Variants in SLCO3A1 observed in about 807,000 individuals in gnomAD.
The protein encoded by SLCO3A1 is solute carrier organic anion transporter family member 3A1.
In SLCO3A1, 27 loss-of-function variants were observed where a neutral mutation model predicts 63.1. The ratio of observed to expected loss-of-function variants is 0.43; its 90% CI spans 0.32 to 0.59. SLCO3A1 has a LOEUF of 0.59. SLCO3A1 is among the 20% of genes least tolerant of loss of function. SLCO3A1 has a pLI of 0.09. For synonymous variants in SLCO3A1, 473 were observed against 409.9 expected, an observed-to-expected ratio of 1.15 and a Z score of -1.86; for missense variants, 773 against 945.8, an observed-to-expected ratio of 0.82 and a Z score of 2.40.
In SLCO3A1 at chr15:91,948,964, T is replaced by C. The variant is rs1306345401; in HGVS notation, c.646+32506T>C. On this transcript the variant is annotated intron_variant, in intron 2 of 9. Transcript: ENST00000318445. This position sits in a 1 kb window ranked among gnomAD's most constrained non-coding sequence, Gnocchi z 4.8. ...TACTATTATTTCTGCTTACCTCACC[T>C]TTTGGGGGAATCATTCCCTCCATTT... is the stretch of plus-strand genomic sequence containing the variant. Among the ~76,000 whole-genome samples, 1 of 152,120 alleles carries C rather than the reference T, an allele frequency of 6.6e-6. No homozygotes were observed. The highest frequency in any genetic ancestry group is 2.4e-5 in the African/African-American group (1 of 41,428).
intron 2 of SLCO3A1, among the ~76,000 whole-genome samples, chr15:92,027,809 C>T (rs2046594776): frequency 1.3e-5 from 2 of 152,230 alleles, no homozygotes; most frequent in African/African-American, 4.8e-5. Context: ...AATAATCTGT[C>T]ACACCCGTGG....
chr15:91,941,488 C>G lies in SLCO3A1; in HGVS notation c.646+25030C>G. ...GGGAAGGACAAACTTCAACTCTGAG[C>G]CTTGATTGAGTGACCTTGGCCAAGT... On this transcript the variant is annotated intron_variant, in intron 2 of 9. Transcript: ENST00000318445. This position sits in a 1 kb window ranked among gnomAD's most constrained non-coding sequence, Gnocchi z 4.4. 2.2e-6 allele frequency: 1 copy of G among 454,474 alleles called. No individual in the cohort carries two copies. Among genetic ancestry groups the G allele is most frequent in the Non-Finnish European group, 4.4e-6 (1 of 226,312 alleles). The allele number at this position is 454,474 out of a possible 1,614,324, so 28.2% of individuals were successfully genotyped here.
At chr15:92,099,098 A>T (rs2047573402) in intron 3 of SLCO3A1, among the ~76,000 whole-genome samples, 1 of 152,246 alleles carries the variant, frequency 6.6e-6, no homozygotes, top group African/African-American at 2.4e-5. Flanking sequence ...CCTCACCAGC[A>T]CATCCATGCA....
chr15:91,871,957 G>A (rs1259688454), intron 1 of SLCO3A1, among the ~76,000 whole-genome samples: 1 of 151,876 alleles, frequency 6.6e-6, no homozygotes, highest in East Asian at 1.9e-4. Flanking sequence ...TGTATGGTAG[G>A]TTGCTTATGG....
At chr15:92,082,964 A>C (rs1031592132) in intron 2 of SLCO3A1, among the ~76,000 whole-genome samples, 4 of 152,228 alleles carry the variant, frequency 2.6e-5, no homozygotes, top group African/African-American at 9.7e-5. Context: ...AGAGTCTCAT[A>C]AACTCACCTT....
At chr15:91,934,845 GTT>G (rs752206158) in intron 2 of SLCO3A1, among the ~76,000 whole-genome samples, 14 of 152,186 alleles carry the variant, frequency 9.2e-5, no homozygotes, top group Non-Finnish European at 2.1e-4. Context: ...AATTCCGTAA[GTT>G]ACTGCCCTTC....
chr15:92,151,945 A>G (rs1222787523), intron 9 of SLCO3A1, among the ~76,000 whole-genome samples: 16 of 152,250 alleles, frequency 1.1e-4, no homozygotes, highest in Admixed American at 1.0e-3. Flanking sequence ...ACAGCAGACA[A>G]TTAGTTAAAT....
intron 1 of SLCO3A1, among the ~76,000 whole-genome samples, chr15:91,892,897 T>C (rs1369813312): frequency 6.6e-6 from 1 of 152,224 alleles, no homozygotes; most frequent in Non-Finnish European, 1.5e-5. Flanking sequence ...TGAATTAATA[T>C]CTGTTAAGCT....
intron 1 of SLCO3A1, among the ~76,000 whole-genome samples, chr15:91,902,965 G>A (rs762049746): frequency 6.6e-5 from 10 of 152,238 alleles, no homozygotes; most frequent in Non-Finnish European, 1.3e-4. Context: ...TTGTAAGAAT[G>A]AAATGGATTC....
intron 2 of SLCO3A1, among the ~76,000 whole-genome samples, chr15:91,969,224 G>A (rs553899574): frequency 1.3e-5 from 2 of 152,288 alleles, no homozygotes; most frequent in East Asian, 1.9e-4. Context: ...TAGAAGTGGT[G>A]TAGAATATCT....
chr15:92,017,698 C>T (rs558805785), intron 2 of SLCO3A1, among the ~76,000 whole-genome samples: 63 of 152,096 alleles, frequency 4.1e-4, no homozygotes, highest in African/African-American at 1.5e-3. Context: ...TGGAATGATT[C>T]TTGTGGAGGA....
intron 1 of SLCO3A1, among the ~76,000 whole-genome samples, chr15:91,880,409 C>CTGTGTGTGTGTGTGTGTGTGTG (rs58932263): frequency 8.4e-5 from 12 of 142,356 alleles, no homozygotes; most frequent in South Asian, 2.4e-4. Flanking sequence ...CTCTCTCTCT[C>CTGTGTGTGTGTGTGTGTGTGTG]TGTGTGTGTG....
At chr15:92,055,022 G>A (rs1178212559) in intron 2 of SLCO3A1, among the ~76,000 whole-genome samples, 6 of 152,144 alleles carry the variant, frequency 3.9e-5, no homozygotes, top group Admixed American at 1.3e-4. Context: ...TTGAGGAATC[G>A]CCACACTGTC....
At chr15:92,101,168 G>A (rs1399413514) in intron 3 of SLCO3A1, among the ~76,000 whole-genome samples, 1 of 152,184 alleles carries the variant, frequency 6.6e-6, no homozygotes, top group Non-Finnish European at 1.5e-5. Flanking sequence ...ATTACCAACA[G>A]GTGGAGGGAG....
chr15:92,094,073 G>T (rs2047509986), intron 2 of SLCO3A1, among the ~76,000 whole-genome samples: 1 of 152,166 alleles, frequency 6.6e-6, no homozygotes, highest in Admixed American at 6.5e-5. Flanking sequence ...CTACCAAATT[G>T]AAATTTAAAT....
At position 91,880,391 on chromosome 15, in the gene SLCO3A1, C is replaced by CTGTGTGTGTGTGTGTGTGTGTG. The variant is rs1248316415; in HGVS notation, c.180+26304_180+26305insGTGTGTGTGTGTGTGTGTGTGT. Among the ~76,000 whole-genome samples, 65 of 74,484 alleles carry CTGTGTGTGTGTGTGTGTGTGTG rather than the reference C, an allele frequency of 8.7e-4. No individual in the cohort carries two copies. The East Asian group carries it at 9.2e-3, about 10-fold the overall frequency. The allele number at this position is 74,484 out of a possible 152,430, so 48.9% of individuals were successfully genotyped here. ...TACCGGCACTCGTGCTTCTCTCTCTCTCTCTCTCTCTCTCTCTCTGTGTGT... is the reference window on the plus strand; with the variant it reads ...TACCGGCACTCGTGCTTCTCTCTCTCTGTGTGTGTGTGTGTGTGTGTGTCTCTCTCTCTCTCTCTCTGTGTGT... On this transcript the variant is annotated intron_variant, in intron 1 of 9. Coordinates refer to ENST00000318445, the MANE Select transcript of SLCO3A1 (RefSeq NM_013272.4).
At chr15:91,984,124 A>G (rs1206040832) in intron 2 of SLCO3A1, among the ~76,000 whole-genome samples, 2 of 151,996 alleles carry the variant, frequency 1.3e-5, no homozygotes. Flanking sequence ...CACTGAGGAG[A>G]GGGGTTTGTG....
Position 92,145,027 on chromosome 15 carries a change from G to A in SLCO3A1, c.1513-1957G>A, listed in dbSNP as rs553624483. On this transcript the variant is annotated intron_variant, in intron 7 of 9. Coordinates refer to ENST00000318445, the MANE Select transcript of SLCO3A1 (RefSeq NM_013272.4). ...CAAAGATGGAAAGCGAGTGACCAGA[G>A]GAGGACCAGGGAAACAGGTAGAGTG... Among the ~76,000 whole-genome samples, 3 of 152,296 alleles carry A rather than the reference G, an allele frequency of 2.0e-5. No homozygotes were observed. In the East Asian group the frequency reaches 5.8e-4, roughly 29 times the overall value.
In SLCO3A1 at chr15:92,164,662, C is replaced by T. The variant is rs1032239168; in HGVS notation, c.*1527C>T. The T allele has an allele frequency of 1.0e-6, 1 of 985,310 alleles. No individual in the cohort carries two copies. Among genetic ancestry groups the T allele is most frequent in the Non-Finnish European group, 1.2e-6 (1 of 829,900 alleles). The allele number at this position is 985,310 out of a possible 1,614,324, so 61.0% of individuals were successfully genotyped here. On this transcript the variant is annotated 3_prime_UTR_variant, in exon 10 of 10. Transcript: ENST00000318445. ...AAGCTCCTGGAAGCTGTCGTGTGTC[C>T]AATGCGTGAAAATGTCTGTGACATT...
Sources: gnomAD v4.1 joint callset for allele counts (sites outside exome capture counted in the v4.1 genomes callset) on GRCh38, gnomAD v4.1.1 for gene constraint, Gnocchi (gnomAD v3.1) non-coding constraint, MANE v1.5 for transcripts, NCBI Gene and HGNC (gene_info 2026-07-23, HGNC 2026-07-21) for gene names.